The following PHACTR3 variants were observed in gnomAD, a reference collection of about 807,000 sequenced individuals.
PHACTR3 encodes phosphatase and actin regulator 3, also known as protein phosphatase 1, regulatory subunit 123.
In PHACTR3, 16 loss-of-function variants were observed where a neutral mutation model predicts 66.8. The ratio of observed to expected loss-of-function variants is 0.24; its 90% CI spans 0.16 to 0.36. PHACTR3 has a LOEUF of 0.36. PHACTR3 is among the 10% of genes least tolerant of loss of function. PHACTR3 has a pLI of 1.00. For missense variants in PHACTR3, 647 were observed against 719.9 expected (o/e 0.90, Z 1.16); for synonymous variants, 323 against 292.1 (o/e 1.11, Z -1.08).
intron 1 of PHACTR3, among the ~76,000 whole-genome samples, chr20:59,683,882 G>C (rs1023261325): frequency 6.6e-6 from 1 of 152,202 alleles, no homozygotes; most frequent in Non-Finnish European, 1.5e-5. Context: ...CTGAGCAGCC[G>C]TTATAGTGGG....
chr20:59,591,602 T>C (rs6100515), intron 1 of PHACTR3, among the ~76,000 whole-genome samples: 9,710 of 152,092 alleles, frequency 0.064, 488 homozygotes, highest in Admixed American at 0.15. Flanking sequence ...GATTCTGCCT[T>C]CTTTTTCCCA....
intron 8 of PHACTR3, among the ~76,000 whole-genome samples, chr20:59,824,925 T>C (rs1568859351): frequency 6.6e-6 from 1 of 152,076 alleles, no homozygotes; most frequent in Non-Finnish European, 1.5e-5. Flanking sequence ...TCCATGGAGG[T>C]CTGTGAATGA....
chr20:59,747,893 A>G (rs547621878), intron 3 of PHACTR3, 58 bp downstream of exon 3: 34 of 1,560,084 alleles, frequency 2.2e-5, no homozygotes, highest in Non-Finnish European at 2.7e-5. Context: ...CAGAATGGAA[A>G]GTCTCACATG....
At chr20:59,774,596 G>T in intron 7 of PHACTR3, 106 bp downstream of exon 7, 1 of 1,441,634 alleles carries the variant, frequency 6.9e-7, no homozygotes, top group Admixed American at 2.2e-5. Flanking sequence ...AGGTCGAGGG[G>T]CTGCACCTGG....
intron 1 of PHACTR3, among the ~76,000 whole-genome samples, chr20:59,671,236 G>A (rs1399778293): frequency 6.6e-6 from 1 of 152,250 alleles, no homozygotes; most frequent in Admixed American, 6.5e-5. Flanking sequence ...GCCTGGGCAA[G>A]TGGGGCTGTG....
At chr20:59,748,475 G>A (rs1399840398) in intron 3 of PHACTR3, among the ~76,000 whole-genome samples, 1 of 152,232 alleles carries the variant, frequency 6.6e-6, no homozygotes, top group East Asian at 1.9e-4. Context: ...CTTAATCTCA[G>A]TGGGGTCTAC....
intron 1 of PHACTR3, among the ~76,000 whole-genome samples, chr20:59,731,816 T>G (rs2038775933): frequency 6.6e-6 from 1 of 152,180 alleles, no homozygotes. Flanking sequence ...TTGGGAAATT[T>G]TGAGGCCCAA....
chr20:59,837,615 AAAG>A (rs1454860610), intron 9 of PHACTR3, among the ~76,000 whole-genome samples: 1 of 152,246 alleles, frequency 6.6e-6, no homozygotes, highest in African/African-American at 2.4e-5. Flanking sequence ...CTGAGGATTT[AAAG>A]AAAAGCTCTT....
At chr20:59,731,848 A>C (rs758375218) in intron 1 of PHACTR3, among the ~76,000 whole-genome samples, 16 of 152,152 alleles carry the variant, frequency 1.1e-4, no homozygotes, top group Admixed American at 2.0e-4. Context: ...ATCTTAGAGA[A>C]TCTTGTTATC....
At chr20:59,643,697 C>T (rs1056061079) in intron 1 of PHACTR3, among the ~76,000 whole-genome samples, 1 of 152,110 alleles carries the variant, frequency 6.6e-6, no homozygotes, top group African/African-American at 2.4e-5. Context: ...CCTGATGGAG[C>T]GGCGAGAAGC....
In PHACTR3 at chr20:59,606,303, T is replaced by TCCCCC. The variant is rs5842274; in HGVS notation, c.118+1176_118+1180dup. Among the ~76,000 whole-genome samples, 9 of 151,020 alleles carry TCCCCC rather than the reference T, an allele frequency of 6.0e-5. No individual in the cohort carries two copies. The East Asian group carries it at 1.2e-3, about 20-fold the overall frequency. On this transcript the variant is annotated intron_variant, in intron 1 of 12. Coordinates refer to ENST00000371015, the MANE Select transcript of PHACTR3 (RefSeq NM_080672.5). ...GGCAGCTGTGTGGGCACTGGATCCC[T>TCCCCC]CCCCCCCCCATTTGAAAATTTAAAC... is the stretch of plus-strand genomic sequence containing the variant.
At chr20:59,699,124 T>C (rs1052140108) in intron 1 of PHACTR3, among the ~76,000 whole-genome samples, 1 of 152,168 alleles carries the variant, frequency 6.6e-6, no homozygotes, top group Admixed American at 6.5e-5. Context: ...AGGGAAAATA[T>C]CTAAAACCAA....
chr20:59,594,789 G>C (rs2033277305), intron 1 of PHACTR3, among the ~76,000 whole-genome samples: 1 of 152,070 alleles, frequency 6.6e-6, no homozygotes, highest in South Asian at 2.1e-4. Context: ...GAATTTCATT[G>C]AGTTATGCTC....
At position 59,774,339 on chromosome 20, in the gene PHACTR3, G is replaced by C. The variant is rs747911210; in HGVS notation, c.1023G>C (p.Glu341Asp). Residue 341 changes from glutamate (E) to aspartate (D), a missense_variant, in exon 7 of 13, where the codon GAG (glutamate) becomes GAC (aspartate). Glu to Asp is a conservative substitution (Grantham distance 45). This residue lies in a region of PHACTR3 where 577 missense variants were observed against 571.1 expected (regional missense o/e 1.01). Transcript: ENST00000371015. ...TGGAGCGGGGCAAGGAGAGGGAGGA[G>C]GCTTGGAGCTTTGACGGGGCATTGG... is the stretch of plus-strand genomic sequence containing the variant. ...SSVERGKEREEAWSFDGALEN... is the reference protein window; with the variant it reads ...SSVERGKEREDAWSFDGALEN... 7 of 1,614,124 alleles carry C rather than the reference G, an allele frequency of 4.3e-6. No homozygotes were observed. The South Asian group carries it at 7.7e-5, about 18-fold the overall frequency.
rs527830175 is a variant in PHACTR3, at chr20:59,795,683, C to T, written c.1175-10358C>T. On this transcript the variant is annotated intron_variant, in intron 7 of 12. Transcript: ENST00000371015. ...ACAAATTTGTATGCATATATATTTA[C>T]AATGGTAACATCCTCTTGTTGAATT... 2.2e-3 allele frequency among the ~76,000 whole-genome samples: 340 copies of T among 152,162 alleles called. 4 individuals are homozygous for T. The highest frequency in any genetic ancestry group is 8.1e-3 in the African/African-American group (336 of 41,574).
intron 1 of PHACTR3, among the ~76,000 whole-genome samples, chr20:59,598,205 C>A (rs867669161): frequency 6.6e-6 from 1 of 152,224 alleles, no homozygotes; most frequent in Admixed American, 6.5e-5. Context: ...TCTGCTGCCT[C>A]ATAGATAGGC....
At chr20:59,625,189 AAATTCTGCC>A (rs1405070810) in intron 1 of PHACTR3, among the ~76,000 whole-genome samples, 7 of 152,194 alleles carry the variant, frequency 4.6e-5, no homozygotes, top group Non-Finnish European at 8.8e-5. Flanking sequence ...TTTTCTTTGT[AAATTCTGCC>A]TAGAGCCAGG....
At chr20:59,622,106 GTT>G (rs139036531) in intron 1 of PHACTR3, among the ~76,000 whole-genome samples, 4,069 of 151,786 alleles carry the variant, frequency 0.027, 76 homozygotes, top group Middle Eastern at 0.072. Context: ...ACAAGTATGT[GTT>G]TGTGTGTGCA....
At chr20:59,822,135 G>A (rs1362112242) in intron 8 of PHACTR3, among the ~76,000 whole-genome samples, 1 of 31,364 alleles carries the variant, frequency 3.2e-5, no homozygotes, top group Non-Finnish European at 5.1e-5. Flanking sequence ...CCTCCGCAGC[G>A]ATCCCACCCC....
Sources: gnomAD v4.1 joint callset for allele counts (sites outside exome capture counted in the v4.1 genomes callset) on GRCh38, gnomAD v4.1.1 for gene constraint, gnomAD v4.1.1 regional missense constraint, MANE v1.5 for transcripts, NCBI Gene and HGNC (gene_info 2026-07-23, HGNC 2026-07-21) for gene names.